CNTN4: variants seen among roughly 807,000 people sequenced by gnomAD.
The protein encoded by CNTN4 is contactin-4.
A neutral mutation model predicts 122.5 loss-of-function variants in CNTN4; 77 were observed. That is an observed-to-expected ratio of 0.63 (90% CI 0.52 to 0.76). The LOEUF (loss-of-function observed/expected upper bound fraction) is 0.76. Ranked by LOEUF, CNTN4 falls within the 30% of genes least tolerant of loss-of-function variation. The probability of loss-of-function intolerance (pLI) is 0.00; values close to 1 mark genes in which losing one functional copy is unlikely to be tolerated. For missense variants in CNTN4, 1,256 were observed against 1,259.1 expected (o/e 1.00, Z 0.04); for synonymous variants, 512 against 447.0 (o/e 1.15, Z -1.83).
intron 3 of CNTN4, among the ~76,000 whole-genome samples, chr3:2,427,171 C>T (rs1192029119): frequency 6.6e-6 from 1 of 152,082 alleles, no homozygotes; most frequent in African/African-American, 2.4e-5. Context: ...GTTAGGGTGT[C>T]AATTTTAGAT....
At position 2,848,041 on chromosome 3, in the gene CNTN4, C is replaced by T. The variant is rs1054802395; in HGVS notation, c.455-18711C>T. On this transcript the variant is annotated intron_variant, in intron 7 of 24. Coordinates refer to ENST00000418658, the MANE Select transcript of CNTN4 (RefSeq NM_175607.3). ...CGGGAGGCTGAGGCAGGAGGACTGCCTGAACCCAGGAGCCTGGTCAACATA... is the reference window on the plus strand; with the variant it reads ...CGGGAGGCTGAGGCAGGAGGACTGCTTGAACCCAGGAGCCTGGTCAACATA... Among the ~76,000 whole-genome samples, 5 of 152,176 alleles carry T rather than the reference C, an allele frequency of 3.3e-5. 1 individual carries two copies. Among genetic ancestry groups the T allele is most frequent in the Admixed American group, 6.5e-5 (1 of 15,284 alleles).
intron 2 of CNTN4, among the ~76,000 whole-genome samples, chr3:2,199,934 A>G (rs530476512): frequency 1.1e-3 from 173 of 152,300 alleles, no homozygotes; most frequent in African/African-American, 3.8e-3. Context: ...TAAGCATATG[A>G]AGGTCATTGT....
rs572323883 is a variant in CNTN4 at position 2,917,183 on chromosome 3, C to G, written c.1208-8446C>G. ...AGGCGTGGCGGCGCGCGCCTGCAATCGCAGGCAGTCGGCAGGCTGAGGCAG... is the reference window on the plus strand; with the variant it reads ...AGGCGTGGCGGCGCGCGCCTGCAATGGCAGGCAGTCGGCAGGCTGAGGCAG... On this transcript the variant is annotated intron_variant, in intron 12 of 24. Transcript: ENST00000418658. Among the ~76,000 whole-genome samples, 6 of 150,248 alleles carry G rather than the reference C, an allele frequency of 4.0e-5. No individual in the cohort carries two copies. In the South Asian group the frequency reaches 6.3e-4, roughly 16 times the overall value.
intron 2 of CNTN4, among the ~76,000 whole-genome samples, chr3:2,307,420 G>A (rs936687823): frequency 6.9e-6 from 1 of 144,268 alleles, no homozygotes; most frequent in Non-Finnish European, 1.5e-5. Context: ...GGGCGACAGA[G>A]CAAGACTCCA....
intron 4 of CNTN4, among the ~76,000 whole-genome samples, chr3:2,729,379 A>ACGGTGAAACC (rs2088489472): frequency 5.4e-5 from 8 of 149,056 alleles, no homozygotes; most frequent in African/African-American, 1.8e-4. Flanking sequence ...CCCGGCTAAC[A>ACGGTGAAACC]CAAAATTAAC....
chr3:2,642,795 C>T (rs994278781), intron 4 of CNTN4, among the ~76,000 whole-genome samples: 8 of 152,086 alleles, frequency 5.3e-5, no homozygotes, highest in African/African-American at 1.9e-4. Context: ...CCTGCTATTC[C>T]TTCCTCACTC....
chr3:2,638,196 A>G (rs1012022861), intron 4 of CNTN4, among the ~76,000 whole-genome samples: 1 of 152,140 alleles, frequency 6.6e-6, no homozygotes, highest in African/African-American at 2.4e-5. Flanking sequence ...CCATTCTCAC[A>G]TGGCTTCAGA....
At chr3:2,656,559 G>T (rs2083599431) in intron 4 of CNTN4, among the ~76,000 whole-genome samples, 1 of 152,218 alleles carries the variant, frequency 6.6e-6, no homozygotes, top group Admixed American at 6.5e-5. Flanking sequence ...ACAGTCCCTG[G>T]AGCATAATGC....
Position 3,053,836 on chromosome 3 carries a change from C to G in CNTN4, c.2841C>G (p.Ser947Arg), listed in dbSNP as rs1376558364. 1 of 1,614,164 alleles carries G rather than the reference C, an allele frequency of 6.2e-7. No homozygotes were observed. The highest frequency in any genetic ancestry group is 8.5e-7 in the Non-Finnish European group (1 of 1,180,024). ...KVLYRWNRQS[S>R]TSVIETNKTS... ...TGTACAGATGGAACAGACAAAGCAG[C>G]ACATCTGTCATTGAAACAAATAAAA... The change falls in exon 24 of 25, where the codon AGC becomes AGG. Residue 947 changes from serine (S) to arginine (R), a missense_variant. Coordinates refer to ENST00000418658, the MANE Select transcript of CNTN4 (RefSeq NM_175607.3).
intron 3 of CNTN4, among the ~76,000 whole-genome samples, chr3:2,396,100 C>G (rs1391500971): frequency 6.6e-6 from 1 of 151,702 alleles, no homozygotes. Context: ...TCATGGCTCA[C>G]TGCAGCCTTG....
intron 2 of CNTN4, among the ~76,000 whole-genome samples, chr3:2,156,403 C>G (rs992338111): frequency 6.6e-6 from 1 of 152,114 alleles, no homozygotes; most frequent in Non-Finnish European, 1.5e-5. Context: ...GCAATGGTCC[C>G]GCGCCTTCCT....
chr3:2,389,843 A>G (rs1187152824), intron 3 of CNTN4, among the ~76,000 whole-genome samples: 2 of 152,234 alleles, frequency 1.3e-5, no homozygotes, highest in Non-Finnish European at 2.9e-5. Flanking sequence ...TCACGGAAGT[A>G]TCTAATTATG....
intron 8 of CNTN4, among the ~76,000 whole-genome samples, chr3:2,871,688 T>A (rs1240879965): frequency 6.6e-6 from 1 of 152,188 alleles, no homozygotes; most frequent in Non-Finnish European, 1.5e-5. Flanking sequence ...CAGGACAGAT[T>A]CCTGGTCCCT....
At position 2,847,016 on chromosome 3, in the gene CNTN4, G is replaced by A. The variant is rs143750898; in HGVS notation, c.455-19736G>A. ...CTCAAATAAATAAATAAATAAATAA[G>A]TATTATATAAATGAATGCCTTTCAT... is the stretch of plus-strand genomic sequence containing the variant. On this transcript the variant is annotated intron_variant, in intron 7 of 24. Coordinates refer to ENST00000418658, the MANE Select transcript of CNTN4 (RefSeq NM_175607.3). Among the ~76,000 whole-genome samples, 430 of 151,368 alleles carry A rather than the reference G, an allele frequency of 2.8e-3. 1 individual carries two copies. Among genetic ancestry groups the A allele is most frequent in the African/African-American group, 9.8e-3 (399 of 40,846 alleles).
At position 2,850,267 on chromosome 3, in the gene CNTN4, C is replaced by T. The variant is rs981407960; in HGVS notation, c.455-16485C>T. 3.3e-5 allele frequency among the ~76,000 whole-genome samples: 5 copies of T among 152,250 alleles called. No individual in the cohort carries two copies. In the South Asian group the frequency reaches 8.3e-4, roughly 25 times the overall value. ...TCTCCCAAAGTGCAGGGATTACAGG[C>T]GTGAGCCTCCGCGCCTGGCCAGCAA... On this transcript the variant is annotated intron_variant, in intron 7 of 24. Coordinates refer to ENST00000418658, the MANE Select transcript of CNTN4 (RefSeq NM_175607.3).
intron 14 of CNTN4, chr3:2,999,028 T>G (rs1695793230): frequency 6.6e-6 from 1 of 152,204 alleles, no homozygotes; most frequent in African/African-American, 2.4e-5. Context: ...CACATAAATA[T>G]TTTTTATATT....
At chr3:2,482,255 G>T (rs1242451820) in intron 3 of CNTN4, among the ~76,000 whole-genome samples, 1 of 152,136 alleles carries the variant, frequency 6.6e-6, no homozygotes, top group African/African-American at 2.4e-5. Context: ...GAGGTGACTT[G>T]CTATGATTTA....
Position 2,328,181 on chromosome 3 carries a change from G to A in CNTN4, c.-144-10997G>A, listed in dbSNP as rs572086177. ...AGCACTTTGGGAGGCCGAGGCGGGC[G>A]GATCACGGGGTCAGGAGATCGAGAC... is the stretch of plus-strand genomic sequence containing the variant. On this transcript the variant is annotated intron_variant, in intron 2 of 24. Transcript: ENST00000418658. Among the ~76,000 whole-genome samples, 319 of 152,236 alleles carry A rather than the reference G, an allele frequency of 2.1e-3. 2 individuals carry two copies. The highest frequency in any genetic ancestry group is 7.4e-3 in the African/African-American group (307 of 41,542).
intron 6 of CNTN4, among the ~76,000 whole-genome samples, chr3:2,754,628 G>A (rs1352839948): frequency 6.6e-6 from 1 of 151,962 alleles, no homozygotes; most frequent in East Asian, 1.9e-4. Flanking sequence ...ATGGAAAAAT[G>A]GAGATGTTAA....
Sources: allele counts gnomAD v4.1 joint callset (sites outside exome capture counted in the v4.1 genomes callset), GRCh38; gene constraint gnomAD v4.1.1; transcripts MANE v1.5; gene names NCBI Gene and HGNC (gene_info 2026-07-23, HGNC 2026-07-21).